The following ZNF658 variants were observed in gnomAD, a reference collection of about 807,000 sequenced individuals.
ZNF658 encodes zinc finger protein 658.
Under a neutral mutation model 78.0 loss-of-function variants are expected in ZNF658, and 46 were observed. The ratio of observed to expected loss-of-function variants is 0.59; its 90% CI spans 0.47 to 0.75. The LOEUF (loss-of-function observed/expected upper bound fraction) is 0.75, where lower values mean the gene tolerates loss of function less well. Ranked by LOEUF, ZNF658 falls within the 30% of genes least tolerant of loss-of-function variation. The pLI is 0.00. For synonymous variants in ZNF658, 279 were observed against 408.4 expected (o/e 0.68, Z 3.82); for missense variants, 785 against 1,189.3 (o/e 0.66, Z 5.00).
intron 6 of ZNF658, among the ~76,000 whole-genome samples, chr9:66,928,422 C>T (rs1420846742): frequency 1.3e-5 from 2 of 150,686 alleles, no homozygotes; most frequent in Non-Finnish European, 3.0e-5. Context: ...TAATATGCTA[C>T]TAATTATTAT....
In ZNF658 at chr9:66,918,006, C is replaced by T. The variant is rs879004647; in HGVS notation, c.440C>T (p.Pro147Leu). 17 of 1,593,238 alleles carry T rather than the reference C, an allele frequency of 1.1e-5. No homozygotes were observed. The South Asian group carries it at 1.8e-4, about 17-fold the overall frequency. The change falls in exon 5 of 5, where the codon CCA (proline) becomes CTA (leucine). Residue 147 changes from proline to leucine, a missense_variant. Transcript: ENST00000621410. ...TGTGACTCACACAGAATGAATTTGC[C>T]AGTTGCTTCTCAATTAATTATAAGT... ...CKCDSHRMNL[P>L]VASQLIISER... is the part of the protein sequence containing the mutation.
chr9:66,904,692 CT>C (rs1822033143), intron 2 of ZNF658, among the ~76,000 whole-genome samples: 1 of 152,116 alleles, frequency 6.6e-6, no homozygotes, highest in South Asian at 2.1e-4. Flanking sequence ...GTAACTACCA[CT>C]TGATTCCCTC....
At chr9:66,906,199 A>G (rs1461858067) in intron 2 of ZNF658, among the ~76,000 whole-genome samples, 3 of 142,872 alleles carry the variant, frequency 2.1e-5, no homozygotes, top group Non-Finnish European at 4.5e-5. Context: ...TTCAACAGAC[A>G]TCCAGGCAAT....
chr9:66,914,392 A>G (rs1436013259), intron 4 of ZNF658, among the ~76,000 whole-genome samples: 2 of 151,960 alleles, frequency 1.3e-5, no homozygotes, highest in Admixed American at 6.5e-5. Context: ...AGTTCAAGGA[A>G]CTTTTTTGAT....
intron 4 of ZNF658, among the ~76,000 whole-genome samples, chr9:66,913,286 G>A (rs888876119): frequency 1.7e-4 from 26 of 151,626 alleles, no homozygotes; most frequent in African/African-American, 3.2e-4. Flanking sequence ...TTAGCCAGGC[G>A]TGGTGGCAGG....
At chr9:66,929,877 G>A (rs527579183) in intron 6 of ZNF658, among the ~76,000 whole-genome samples, 306 of 133,038 alleles carry the variant, frequency 2.3e-3, no homozygotes, top group African/African-American at 8.4e-3. Context: ...TTCGCCTCCC[G>A]GGTTCAAGCG....
Position 66,919,815 on chromosome 9 carries a change from CTT to C in ZNF658, c.2254_2255del (p.Phe752ProfsTer19). On this transcript the variant is annotated frameshift_variant, in exon 5 of 5. Coordinates refer to ENST00000621410, the MANE Select transcript of ZNF658 (RefSeq NM_033160.7). LOFTEE classifies it high-confidence loss of function. ...TATGAATGTAGTGAATGTGGAAAAA[CTT>C]TTTTCCAGAAGACACGCCTCAGTAC... 2 of 1,609,762 alleles carry C rather than the reference CTT, an allele frequency of 1.2e-6. No homozygotes were observed. The highest frequency in any genetic ancestry group is 1.7e-6 in the Non-Finnish European group (2 of 1,179,002).
intron 2 of ZNF658, among the ~76,000 whole-genome samples, chr9:66,904,463 C>G (rs1028101560): frequency 2.0e-5 from 3 of 151,644 alleles, no homozygotes; most frequent in Non-Finnish European, 4.4e-5. Context: ...GTCCTTGGCT[C>G]TTTAGTCTTC....
chr9:66,931,989 C>A lies in ZNF658; in HGVS notation c.*55-36C>A, dbSNP rs1822649859. 6 of 147,314 alleles carry A rather than the reference C, an allele frequency of 4.1e-5. No individual in the cohort carries two copies. In the South Asian group the frequency reaches 1.3e-3, roughly 33 times the overall value. 9.1% of individuals were successfully genotyped at this position (147,314 alleles called of 1,614,324 possible). ...TCTGGGAGTGAATGGTCTCACCTGTCCCCGACTTACTTTTCTCTCTCTCCA... is the reference window on the plus strand; with the variant it reads ...TCTGGGAGTGAATGGTCTCACCTGTACCCGACTTACTTTTCTCTCTCTCCA... On this transcript the variant is annotated intron_variant and NMD_transcript_variant, in intron 6 of 6. Transcript: ENST00000622180.
chr9:66,906,011 C>T (rs1183671099), intron 2 of ZNF658, among the ~76,000 whole-genome samples: 1 of 148,770 alleles, frequency 6.7e-6, no homozygotes, highest in Non-Finnish European at 1.5e-5. Flanking sequence ...AGAAAACTTT[C>T]TTGATTTGCA....
rs1339056442 is a variant in ZNF658 at position 66,921,024 on chromosome 9, T to A, written c.*278T>A. On this transcript the variant is annotated 3_prime_UTR_variant, in exon 5 of 5. Coordinates refer to ENST00000621410, the MANE Select transcript of ZNF658 (RefSeq NM_033160.7). ...TTATTTCTGCAGCAAACTTGGGTCC[T>A]GTGTGTTCAAAACCATAGAGCACAA... 16 of 489,024 alleles carry A rather than the reference T, an allele frequency of 3.3e-5. No homozygotes were observed. The East Asian group carries it at 4.5e-4, about 14-fold the overall frequency. 30.3% of individuals were successfully genotyped at this position (489,024 alleles called of 1,614,324 possible).
chr9:66,918,808 T>G lies in ZNF658; in HGVS notation c.1242T>G (p.Tyr414Ter), dbSNP rs745436579. 4.3e-6 allele frequency: 7 copies of G among 1,613,634 alleles called. No homozygotes were observed. The highest frequency in any genetic ancestry group is 1.1e-5 in the South Asian group (1 of 91,052). ...ACTCAGGAGAGAAAACTTACCAATA[T>G]GAGGAATGTGCAAAATCCTTTTGTT... ...RPHSGEKTYQ[Y>*]EECAKSFCSS... Residue 414 changes from tyrosine to a stop codon, truncating the protein, a stop_gained, in exon 5 of 5, where the codon TAT (tyrosine) becomes TAG (stop). Coordinates refer to ENST00000621410, the MANE Select transcript of ZNF658 (RefSeq NM_033160.7). LOFTEE classifies it high-confidence loss of function.
chr9:66,905,078 T>TTC (rs1288159147), intron 2 of ZNF658, among the ~76,000 whole-genome samples: 1 of 107,432 alleles, frequency 9.3e-6, no homozygotes, highest in Non-Finnish European at 1.9e-5. Context: ...CTTTTTTTTT[T>TTC]TTTTTTTTTT....
At chr9:66,928,685 T>G (rs1448598392) in intron 6 of ZNF658, among the ~76,000 whole-genome samples, 1 of 123,358 alleles carries the variant, frequency 8.1e-6, no homozygotes, top group Non-Finnish European at 1.8e-5. Flanking sequence ...ACCCCATCTC[T>G]ACTAAAAATA....
In ZNF658 at chr9:66,921,007, G is replaced by C. The variant is rs535741541; in HGVS notation, c.*261G>C. ...TAAGATGGATTTGGAGGTTATTTCT[G>C]CAGCAAACTTGGGTCCTGTGTGTTC... On this transcript the variant is annotated 3_prime_UTR_variant, in exon 5 of 5. Transcript: ENST00000621410. 11 of 528,852 alleles carry C rather than the reference G, an allele frequency of 2.1e-5. No homozygotes were observed. The highest frequency in any genetic ancestry group is 2.0e-4 in the South Asian group (9 of 44,212). 32.8% of individuals were successfully genotyped at this position (528,852 alleles called of 1,614,324 possible). A position where few individuals can be genotyped will look rare whatever the true frequency, so the allele number is the denominator to read the frequency against.
At position 66,919,713 on chromosome 9, in the gene ZNF658, G is replaced by A. The variant is rs1564176031; in HGVS notation, c.2147G>A (p.Cys716Tyr). The change falls in exon 5 of 5, where the codon TGT (cysteine) becomes TAT (tyrosine). Residue 716 changes from cysteine to tyrosine, a missense_variant. Cys to Tyr is a radical substitution (Grantham distance 194). Coordinates refer to ENST00000621410, the MANE Select transcript of ZNF658 (RefSeq NM_033160.7). Reference sequence around the variant, plus strand: ...CACACGGGGGAGAAACCCTATGAATGTAATGAATGTGAGAAAACATTTGCC... The same window carrying A: ...CACACGGGGGAGAAACCCTATGAATATAATGAATGTGAGAAAACATTTGCC... ...RIHTGEKPYE[C>Y]NECEKTFAHN... 6.2e-7 allele frequency: 1 copy of A among 1,613,218 alleles called. No homozygotes were observed. Among genetic ancestry groups the A allele is most frequent in the Admixed American group, 1.7e-5 (1 of 60,012 alleles).
chr9:66,918,762 T>C lies in ZNF658; in HGVS notation c.1196T>C (p.Leu399Pro), dbSNP rs1210559871. 6.2e-7 allele frequency: 1 copy of C among 1,613,930 alleles called. No homozygotes were observed. The highest frequency in any genetic ancestry group is 1.1e-5 in the South Asian group (1 of 91,070). The change falls in exon 5 of 5, where the codon CTC becomes CCC. Residue 399 changes from leucine to proline, a missense_variant. Leu to Pro is a moderately conservative substitution (Grantham distance 98, BLOSUM62 -3). Transcript: ENST00000621410. ...AAATCCTTTTACCGGAAAGCACACC[T>C]CATTCAGCATCAGAGGCCCCACTCA... is the stretch of plus-strand genomic sequence containing the variant. ...CRKSFYRKAH[L>P]IQHQRPHSGE... is the part of the protein sequence containing the mutation.
chr9:66,914,230 A>G (rs1353780552), intron 4 of ZNF658, among the ~76,000 whole-genome samples: 1 of 150,222 alleles, frequency 6.7e-6, no homozygotes, highest in Non-Finnish European at 1.5e-5. Flanking sequence ...TTTAGAACAC[A>G]GATAACGAGG....
chr9:66,910,693 G>A (rs960063720), intron 4 of ZNF658, among the ~76,000 whole-genome samples: 7 of 151,916 alleles, frequency 4.6e-5, no homozygotes, highest in Admixed American at 2.0e-4. Flanking sequence ...CTACTTGGGA[G>A]GCTGAGGCAG....
Sources: allele counts gnomAD v4.1 joint callset (sites outside exome capture counted in the v4.1 genomes callset), GRCh38; gene constraint gnomAD v4.1.1; transcripts MANE v1.5; gene names NCBI Gene and HGNC (gene_info 2026-07-23, HGNC 2026-07-21).